The following RBFOX1 variants were observed in gnomAD, a reference collection of about 807,000 sequenced individuals.
RBFOX1 encodes RNA binding fox-1 homolog 1, also known as RNA binding protein fox-1 homolog 1.
RBFOX1 carries 8 observed loss-of-function variants against 57.7 expected under a neutral mutation model. The observed-to-expected ratio is 0.14, with a 90% CI of 0.08 to 0.25. The LOEUF is 0.25. Among genes scored for constraint, RBFOX1 ranks in the 10% least tolerant of loss-of-function variants. The pLI, the probability that RBFOX1 is intolerant of heterozygous loss-of-function variation, is 1.00. For missense variants in RBFOX1, 611 were observed against 548.5 expected (o/e 1.11, Z -1.14); for synonymous variants, 326 against 222.4 (o/e 1.47, Z -4.15).
At chr16:6,299,260 C>T (rs764270051) in intron 1 of RBFOX1, among the ~76,000 whole-genome samples, 3 of 152,298 alleles carry the variant, frequency 2.0e-5, no homozygotes, top group East Asian at 1.9e-4. Context: ...TTTGCTCTTC[C>T]GTCTCTTCCT....
At chr16:5,820,804 A>C (rs531367900) in intron 3 of RBFOX1, among the ~76,000 whole-genome samples, 4 of 152,308 alleles carry the variant, frequency 2.6e-5, no homozygotes, top group Admixed American at 2.6e-4. Context: ...TAGACAAGCC[A>C]GTCTAGATCC....
intron 4 of RBFOX1, among the ~76,000 whole-genome samples, chr16:5,872,518 C>G (rs140435550): frequency 6.6e-6 from 1 of 152,036 alleles, no homozygotes; most frequent in African/African-American, 2.4e-5. Flanking sequence ...ATCACTTGAG[C>G]CCAGGAGTTC....
At chr16:6,258,248 C>T (rs546379508) in intron 1 of RBFOX1, among the ~76,000 whole-genome samples, 5 of 152,202 alleles carry the variant, frequency 3.3e-5, no homozygotes, top group African/African-American at 4.8e-5. Context: ...CAACTGTGCT[C>T]TTGTACATAT....
chr16:6,942,055 C>A (rs747837571), intron 3 of RBFOX1, among the ~76,000 whole-genome samples: 1 of 152,056 alleles, frequency 6.6e-6, no homozygotes, highest in Non-Finnish European at 1.5e-5. Flanking sequence ...ATGGTGAAAC[C>A]CCATCTTTAC....
intron 3 of RBFOX1, among the ~76,000 whole-genome samples, chr16:7,051,849 C>G (rs753090027): frequency 6.6e-6 from 1 of 152,184 alleles, no homozygotes; most frequent in Non-Finnish European, 1.5e-5. Context: ...TTTCCAGTCT[C>G]TGACTTATCC....
At chr16:7,649,853 CAGGGG>C (rs2064582949) in intron 11 of RBFOX1, among the ~76,000 whole-genome samples, 2 of 152,002 alleles carry the variant, frequency 1.3e-5, no homozygotes, top group South Asian at 4.2e-4. Flanking sequence ...TTACATGAAC[CAGGGG>C]AGGAACAGGG....
chr16:7,055,588 A>G (rs1313738935), intron 4 of RBFOX1, among the ~76,000 whole-genome samples: 7 of 152,176 alleles, frequency 4.6e-5, no homozygotes, highest in Admixed American at 4.6e-4. Flanking sequence ...GCAGGAAAAT[A>G]ATTCCCAGAA....
At chr16:6,177,357 T>C (rs2097020364) in intron 1 of RBFOX1, among the ~76,000 whole-genome samples, 1 of 152,168 alleles carries the variant, frequency 6.6e-6, no homozygotes, top group South Asian at 2.1e-4. Context: ...TGTAATAATG[T>C]ATCAGTTTAC....
intron 3 of RBFOX1, among the ~76,000 whole-genome samples, chr16:5,691,765 A>G (rs1287399817): frequency 6.6e-6 from 1 of 151,986 alleles, no homozygotes. Context: ...TCCTGTAAAC[A>G]TTATCTTTTT....
At chr16:5,674,383 A>T (rs1332347304) in intron 3 of RBFOX1, among the ~76,000 whole-genome samples, 1 of 152,142 alleles carries the variant, frequency 6.6e-6, no homozygotes, top group African/African-American at 2.4e-5. Flanking sequence ...TCTGTTTGCA[A>T]GTGGGGGAGC....
At position 7,191,114 on chromosome 16, in the gene RBFOX1, G is replaced by C. The variant is rs549083995; in HGVS notation, c.27+139016G>C. On this transcript the variant is annotated intron_variant, in intron 4 of 15. Transcript: ENST00000550418. Reference sequence around the variant, plus strand: ...TGAAACTGTGATTCCTAACCCAGAGGAAAATCCATCTTAATTCTTCACCAT... The same window carrying C: ...TGAAACTGTGATTCCTAACCCAGAGCAAAATCCATCTTAATTCTTCACCAT... 5.0e-4 allele frequency among the ~76,000 whole-genome samples: 76 copies of C among 152,120 alleles called. 1 individual carries two copies. In the South Asian group the frequency reaches 9.8e-3, roughly 20 times the overall value.
chr16:5,981,911 C>A, intron 4 of RBFOX1, among the ~76,000 whole-genome samples: 1 of 152,216 alleles, frequency 6.6e-6, no homozygotes, highest in East Asian at 1.9e-4. Context: ...CGGTAAACAT[C>A]CCATAGTGCA....
At chr16:7,169,350 G>C (rs1477666634) in intron 4 of RBFOX1, among the ~76,000 whole-genome samples, 1 of 152,194 alleles carries the variant, frequency 6.6e-6, no homozygotes, top group Non-Finnish European at 1.5e-5. Flanking sequence ...TCAGCACTAT[G>C]GGTATATTGG....
chr16:6,826,595 T>G (rs970313577), intron 3 of RBFOX1, among the ~76,000 whole-genome samples: 26 of 152,176 alleles, frequency 1.7e-4, no homozygotes, highest in African/African-American at 6.3e-4. Context: ...TCCTCCTCTC[T>G]TTGGTCCCTC....
At chr16:7,330,763 A>G (rs1213229820) in intron 4 of RBFOX1, among the ~76,000 whole-genome samples, 5 of 152,066 alleles carry the variant, frequency 3.3e-5, no homozygotes, top group African/African-American at 1.2e-4. Flanking sequence ...TCTATTTTAC[A>G]ACACTAAAGA....
At chr16:7,514,798 G>C (rs1299130250) in intron 4 of RBFOX1, among the ~76,000 whole-genome samples, 1 of 152,192 alleles carries the variant, frequency 6.6e-6, no homozygotes, top group Non-Finnish European at 1.5e-5. Context: ...ATAGCTCGAA[G>C]TCTACAAGGA....
intron 2 of RBFOX1, among the ~76,000 whole-genome samples, chr16:5,576,315 G>C (rs761877607): frequency 9.6e-4 from 146 of 152,010 alleles, no homozygotes; most frequent in Non-Finnish European, 1.7e-3. Flanking sequence ...TTTTTGATGG[G>C]GTCCTGTTAA....
intron 1 of RBFOX1, among the ~76,000 whole-genome samples, chr16:5,250,927 A>G (rs557303789): frequency 1.3e-5 from 2 of 152,114 alleles, no homozygotes; most frequent in South Asian, 2.1e-4. Flanking sequence ...TCTGTGCTCA[A>G]TTTGCATCCT....
chr16:5,361,246 C>G (rs560478377), intron 1 of RBFOX1, among the ~76,000 whole-genome samples: 1 of 152,182 alleles, frequency 6.6e-6, no homozygotes, highest in South Asian at 2.1e-4. Context: ...ATTTGCCCAA[C>G]AAGGTGAAAG....
Sources: gnomAD v4.1 joint callset for allele counts (sites outside exome capture counted in the v4.1 genomes callset) on GRCh38, gnomAD v4.1.1 for gene constraint, MANE v1.5 for transcripts, NCBI Gene and HGNC (gene_info 2026-07-23, HGNC 2026-07-21) for gene names.